Variants in COL8A2 observed in about 807,000 individuals in gnomAD.
COL8A2 encodes the protein collagen alpha-2(VIII) chain.
COL8A2 carries 16 observed loss-of-function variants against 24.0 expected under a neutral mutation model. That is an observed-to-expected ratio of 0.67 (90% confidence interval 0.45 to 1.01). The LOEUF (loss-of-function observed/expected upper bound fraction) is 1.01. Ranked by LOEUF, COL8A2 falls within the 50% of genes least tolerant of loss-of-function variation. The pLI is 0.00. For synonymous variants in COL8A2, 466 were observed against 424.5 expected (o/e 1.10, Z -1.20); for missense variants, 818 against 942.4 (o/e 0.87, Z 1.73).
intron 1 of COL8A2, among the ~76,000 whole-genome samples, chr1:36,118,444 C>T (rs1349042588): frequency 6.6e-6 from 1 of 152,216 alleles, no homozygotes; most frequent in Admixed American, 6.5e-5. Flanking sequence ...CTCAGGAGTC[C>T]ACTCCAGTGG....
Position 36,115,775 on chromosome 1 carries a change from G to A in COL8A2, c.-61-23C>T. 1 of 985,076 alleles carries A rather than the reference G, an allele frequency of 1.0e-6. No homozygotes were observed. The highest frequency in any genetic ancestry group is 1.2e-6 in the Non-Finnish European group (1 of 829,650). The allele number at this position is 985,076 out of a possible 1,614,324, so 61.0% of individuals were successfully genotyped here. A position where few individuals can be genotyped will look rare whatever the true frequency, so the allele number is the denominator to read the frequency against. The stretch of plus-strand genomic sequence containing the variant: ...GGCCTGAGGATGAACAAGAGAAACA[G>A]TGAGGCTATGGGGCAGTGGCTCAAG... On this transcript the variant is annotated intron_variant, in intron 1 of 3. Coordinates refer to ENST00000397799, the MANE Select transcript of COL8A2 (RefSeq NM_005202.4). The surrounding 1 kb of genome is among the most constrained non-coding windows in gnomAD (Gnocchi z 5.7).
chr1:36,122,748 C>T (rs182249141), intron 1 of COL8A2, among the ~76,000 whole-genome samples: 1 of 152,168 alleles, frequency 6.6e-6, no homozygotes, highest in Non-Finnish European at 1.5e-5. Context: ...GAAGATCCCC[C>T]CTTCATCCTT....
At chr1:36,122,026 G>T (rs1643918097) in intron 1 of COL8A2, among the ~76,000 whole-genome samples, 2 of 152,142 alleles carry the variant, frequency 1.3e-5, no homozygotes, top group South Asian at 4.1e-4. Context: ...GGCTGCATGG[G>T]GATAGTCAGC....
chr1:36,095,422 A>C lies in COL8A2; in HGVS notation c.*2147T>G, dbSNP rs1320915608. 5 of 152,184 alleles carry C rather than the reference A, an allele frequency of 3.3e-5. 1 individual carries two copies. The highest frequency in any genetic ancestry group is 7.3e-5 in the Non-Finnish European group (5 of 68,034). 9.4% of individuals were successfully genotyped at this position (152,184 alleles called of 1,614,324 possible). Reference sequence around the variant, plus strand: ...CCTATACCAAGTTAGAAGTGAAATGACTAGTGGAAAACATTTAAACTTTAA... The same window carrying C: ...CCTATACCAAGTTAGAAGTGAAATGCCTAGTGGAAAACATTTAAACTTTAA... On this transcript the variant is annotated 3_prime_UTR_variant, in exon 4 of 4. Coordinates refer to ENST00000397799, the MANE Select transcript of COL8A2 (RefSeq NM_005202.4).
In COL8A2 at chr1:36,107,993, C is replaced by A. The variant is rs116335869; in HGVS notation, c.-17+7715G>T. Reference sequence around the variant, plus strand: ...TCCACCTCTTTCCACCACGCTCCCCCACTCTGCCCTGTACAGGGCTTGGCT... The same window carrying A: ...TCCACCTCTTTCCACCACGCTCCCCAACTCTGCCCTGTACAGGGCTTGGCT... On this transcript the variant is annotated intron_variant, in intron 2 of 3. Coordinates refer to ENST00000397799, the MANE Select transcript of COL8A2 (RefSeq NM_005202.4). 6.4e-3 allele frequency among the ~76,000 whole-genome samples: 976 copies of A among 152,310 alleles called. 8 individuals carry two copies. Among genetic ancestry groups the A allele is most frequent in the African/African-American group, 0.021 (879 of 41,556 alleles).
rs550632821 is a variant in COL8A2, at chr1:36,097,304, C to G, written c.*265G>C. ...AGGGCCCAGCAGAGGCCAGGACTCA[C>G]AAGGGGCTGGGCTGTGTGCCTCAGG... On this transcript the variant is annotated 3_prime_UTR_variant, in exon 4 of 4. Transcript: ENST00000397799. The G allele has an allele frequency of 4.6e-6, 2 of 432,478 alleles. No homozygotes were observed. The highest frequency in any genetic ancestry group is 4.1e-5 in the East Asian group (1 of 24,198). 26.8% of individuals were successfully genotyped at this position (432,478 alleles called of 1,614,324 possible).
chr1:36,104,603 C>T (rs141868087), intron 2 of COL8A2, among the ~76,000 whole-genome samples: 4 of 151,636 alleles, frequency 2.6e-5, no homozygotes, highest in African/African-American at 7.3e-5. Context: ...GTCAGGAGAT[C>T]GAGATCATAG....
intron 2 of COL8A2, among the ~76,000 whole-genome samples, chr1:36,102,312 A>C (rs998334295): frequency 2.0e-5 from 3 of 152,244 alleles, no homozygotes; most frequent in Non-Finnish European, 4.4e-5. Flanking sequence ...CCATAGAGAC[A>C]GAAAGTGGAT....
chr1:36,100,986 C>A (rs987918390), intron 2 of COL8A2, among the ~76,000 whole-genome samples: 2 of 143,952 alleles, frequency 1.4e-5, no homozygotes, highest in Non-Finnish European at 3.0e-5. Flanking sequence ...ATCTGCCTCC[C>A]GGGTTCAAGC....
intron 2 of COL8A2, among the ~76,000 whole-genome samples, chr1:36,109,784 A>G (rs1643813280): frequency 6.6e-6 from 1 of 151,114 alleles, no homozygotes; most frequent in South Asian, 2.1e-4. Context: ...CGGGGTTTCT[A>G]CTAGGTAGAC....
chr1:36,120,228 C>T (rs1175632650), intron 1 of COL8A2, among the ~76,000 whole-genome samples: 6 of 152,092 alleles, frequency 3.9e-5, no homozygotes, highest in African/African-American at 4.8e-5. Context: ...CTCAGGCGGG[C>T]GGATCACTTG....
At chr1:36,114,032 T>G (rs1432377736) in intron 2 of COL8A2, among the ~76,000 whole-genome samples, 3 of 151,732 alleles carry the variant, frequency 2.0e-5, no homozygotes, top group African/African-American at 7.3e-5. Flanking sequence ...AAAATACAGG[T>G]TCGTGGCTGG....
At chr1:36,112,887 C>T (rs559019935) in intron 2 of COL8A2, among the ~76,000 whole-genome samples, 5 of 152,276 alleles carry the variant, frequency 3.3e-5, no homozygotes, top group Non-Finnish European at 7.3e-5. Context: ...TGACCCTGCC[C>T]GTCTGTGAGC....
rs573893374 is a variant in COL8A2 at position 36,115,360 on chromosome 1, G to A, written c.-17+348C>T. Among the ~76,000 whole-genome samples the A allele has an allele frequency of 2.4e-4, 36 of 152,326 alleles. No homozygotes were observed. The highest frequency in any genetic ancestry group is 9.1e-4 in the Admixed American group (14 of 15,306). ...TCCTGGGCCTCTGCGGCTACCCTGC[G>A]TGGTGGCGGCAGCAGCGGCAGCAGG... On this transcript the variant is annotated intron_variant, in intron 2 of 3. Transcript: ENST00000397799. The surrounding 1 kb of genome is among the most constrained non-coding windows in gnomAD (Gnocchi z 5.7).
Position 36,097,969 on chromosome 1 carries a change from G to T in COL8A2, c.1712C>A (p.Ala571Asp). Residue 571 changes from alanine (A) to aspartate (D), a missense_variant, in exon 4 of 4, where the codon GCC becomes GAC. Transcript: ENST00000397799. ...KPQFGLGELS[A>D]HATPAFTAVL... ...CGCAGTGAAGGCCGGTGTGGCATGG[G>T]CAGACAGCTCGCCCAGCCCAAACTG... 6.2e-7 allele frequency: 1 copy of T among 1,607,462 alleles called. No individual in the cohort carries two copies.
Position 36,098,846 on chromosome 1 carries a change from C to T in COL8A2, c.835G>A (p.Gly279Ser), listed in dbSNP as rs779741804. 31 of 1,612,354 alleles carry T rather than the reference C, an allele frequency of 1.9e-5. No homozygotes were observed. The highest frequency in any genetic ancestry group is 5.0e-5 in the Admixed American group (3 of 59,990). Residue 279 changes from glycine to serine, a missense_variant, in exon 4 of 4, where the codon GGT becomes AGT. Physicochemically the swap from Gly to Ser is moderately conservative, Grantham distance 56 (BLOSUM62 0). Transcript: ENST00000397799. ...CCTGCTGCCCCTGGGACTCCCACAC[C>T]GTCTACTCCAGGAGGTCCTTTTGGG... is the stretch of plus-strand genomic sequence containing the variant. ...VGPKGPPGVD[G>S]VGVPGAAGLP...
At position 36,121,379 on chromosome 1, in the gene COL8A2, A is replaced by T. The variant is rs1429995437; in HGVS notation, c.-62+3678T>A. ...ACTCCAGCCTGGGCGACAGAGCCAG[A>T]CTCTGTCTCAAAAAAAAAAAAAAAA... On this transcript the variant is annotated intron_variant, in intron 1 of 3. Coordinates refer to ENST00000397799, the MANE Select transcript of COL8A2 (RefSeq NM_005202.4). Among the ~76,000 whole-genome samples the T allele has an allele frequency of 6.5e-5, 6 of 91,758 alleles. No homozygotes were observed. In the East Asian group the frequency reaches 2.0e-3, roughly 30 times the overall value. 60.2% of individuals were successfully genotyped at this position (91,758 alleles called of 152,430 possible).
chr1:36,110,698 G>A (rs1287072448), intron 2 of COL8A2, among the ~76,000 whole-genome samples: 2 of 152,060 alleles, frequency 1.3e-5, no homozygotes, highest in African/African-American at 4.8e-5. Flanking sequence ...CACCATGTTG[G>A]TCAGGCTGGT....
Position 36,113,096 on chromosome 1 carries a change from C to A in COL8A2, c.-17+2612G>T, listed in dbSNP as rs191508834. Among the ~76,000 whole-genome samples, 11 of 152,206 alleles carry A rather than the reference C, an allele frequency of 7.2e-5. No homozygotes were observed. In the East Asian group the frequency reaches 2.1e-3, roughly 29 times the overall value. On this transcript the variant is annotated intron_variant, in intron 2 of 3. Transcript: ENST00000397799. ...TGAGCCCAGCAAAGCCCTGAGGTCA[C>A]GTTTGGAGGCACACACTCTAGGTCT...
Sources: gnomAD v4.1 joint callset for allele counts (sites outside exome capture counted in the v4.1 genomes callset) on GRCh38, gnomAD v4.1.1 for gene constraint, Gnocchi (gnomAD v3.1) non-coding constraint, MANE v1.5 for transcripts, NCBI Gene and HGNC (gene_info 2026-07-23, HGNC 2026-07-21) for gene names.